Variants in ADCY10 observed in about 807,000 individuals in gnomAD.
The protein encoded by ADCY10 is adenylate cyclase type 10.
Under a neutral mutation model 183.3 loss-of-function variants are expected in ADCY10, and 156 were observed. That is an observed-to-expected ratio of 0.85 (90% CI 0.75 to 0.97). The LOEUF is 0.97. ADCY10 is among the 50% of genes least tolerant of loss of function. The pLI, the probability that ADCY10 is intolerant of heterozygous loss-of-function variation, is 0.00. For synonymous variants in ADCY10, 645 were observed against 670.0 expected (o/e 0.96, Z 0.58); for missense variants, 1,745 against 1,934.3 (o/e 0.90, Z 1.84).
intron 14 of ADCY10, among the ~76,000 whole-genome samples, chr1:167,861,819 G>A (rs553841175): frequency 6.6e-6 from 1 of 152,152 alleles, no homozygotes; most frequent in Non-Finnish European, 1.5e-5. Context: ...AGACCTGTTG[G>A]GAAGTGATTG....
intron 19 of ADCY10, among the ~76,000 whole-genome samples, chr1:167,846,930 C>CT (rs773821027): frequency 0.032 from 4,573 of 145,100 alleles, 81 homozygotes; most frequent in Middle Eastern, 0.049. Context: ...AGTCCATCCT[C>CT]TTTTTTTTTT....
chr1:167,888,717 A>C (rs910077198), intron 8 of ADCY10, among the ~76,000 whole-genome samples: 2 of 151,910 alleles, frequency 1.3e-5, no homozygotes, highest in African/African-American at 2.4e-5. Flanking sequence ...TCTATTAAAA[A>C]CACAAAAAAT....
chr1:167,904,691 G>GT, intron 2 of ADCY10: 1 of 601,538 alleles, frequency 1.7e-6, no homozygotes, highest in Non-Finnish European at 2.9e-6. Context: ...ACTGGGATGT[G>GT]TATGGGGCTT....
chr1:167,902,752 G>A (rs1466491093), intron 3 of ADCY10, among the ~76,000 whole-genome samples: 3 of 152,322 alleles, frequency 2.0e-5, no homozygotes, highest in South Asian at 4.1e-4. Flanking sequence ...AGAGTAAACC[G>A]TTGTCTTCAT....
rs758696391 is a variant in ADCY10 at position 167,837,307 on chromosome 1, G to C, written c.3019C>G (p.Leu1007Val). The change falls in exon 22 of 33, where the codon CTT becomes GTT. Residue 1007 changes from leucine to valine, a missense_variant. By Grantham distance (32) the Leu-to-Val change is conservative. Transcript: ENST00000367851. ...GGAATCTCTGAGTTGGACAAGATAAGCTTTTCTTCAGCTAGAAAATAAACA... is the reference window on the plus strand; with the variant it reads ...GGAATCTCTGAGTTGGACAAGATAACCTTTTCTTCAGCTAGAAAATAAACA... ...MSHGFKTEEK[L>V]ILSNSEIPET... 1 of 1,613,748 alleles carries C rather than the reference G, an allele frequency of 6.2e-7. No homozygotes were observed. Among genetic ancestry groups the C allele is most frequent in the African/African-American group, 1.3e-5 (1 of 74,924 alleles).
In ADCY10 at chr1:167,818,176, A is replaced by G. The variant is rs2101843895; in HGVS notation, c.4378T>C (p.Tyr1460His). 1 of 1,614,192 alleles carries G rather than the reference A, an allele frequency of 6.2e-7. No homozygotes were observed. The highest frequency in any genetic ancestry group is 8.5e-7 in the Non-Finnish European group (1 of 1,180,012). The change falls in exon 31 of 33, where the codon TAT becomes CAT. Residue 1460 changes from tyrosine (Y) to histidine (H), a missense_variant. Coordinates refer to ENST00000367851, the MANE Select transcript of ADCY10 (RefSeq NM_018417.6). ...TCCATGTACCTAGATATTCCGTCAT[A>G]GTAAGTAAGTGTCATGGTTCTTCTT... ...LPRRTMTLTY[Y>H]DGISRYMEGQ...
intron 14 of ADCY10, among the ~76,000 whole-genome samples, chr1:167,864,157 G>A (rs371545380): frequency 6.6e-5 from 10 of 152,196 alleles, no homozygotes; most frequent in African/African-American, 2.2e-4. Context: ...TTTTGGTTTA[G>A]TGTAAACTGC....
intron 14 of ADCY10, 135 bp downstream of exon 14, chr1:167,870,122 A>C (rs1264448827): frequency 1.5e-5 from 15 of 969,210 alleles, no homozygotes; most frequent in Non-Finnish European, 2.1e-5. Flanking sequence ...TTATCTATTT[A>C]GCACAAGGGT....
intron 13 of ADCY10, among the ~76,000 whole-genome samples, chr1:167,872,230 C>T (rs1053286289): frequency 7.2e-5 from 11 of 151,990 alleles, no homozygotes; most frequent in Non-Finnish European, 1.5e-4. Flanking sequence ...CCCAGCTACT[C>T]AGGAGGCTGA....
At chr1:167,883,927 T>C (rs1668043818) in intron 8 of ADCY10, among the ~76,000 whole-genome samples, 1 of 152,226 alleles carries the variant, frequency 6.6e-6, no homozygotes, top group Admixed American at 6.5e-5. Flanking sequence ...CTACTGTTCT[T>C]TTTGGCTCTC....
At chr1:167,886,253 A>C (rs1398431377) in intron 8 of ADCY10, among the ~76,000 whole-genome samples, 1 of 152,192 alleles carries the variant, frequency 6.6e-6, no homozygotes, top group Non-Finnish European at 1.5e-5. Flanking sequence ...AATCCTAAGC[A>C]AAAAGAACAA....
At chr1:167,899,774 G>A in intron 5 of ADCY10, 146 bp from the exon 6 acceptor site, 1 of 774,234 alleles carries the variant, frequency 1.3e-6, no homozygotes, top group Non-Finnish European at 2.2e-6. Flanking sequence ...AGGAATTATG[G>A]CATACCTCTT....
In ADCY10 at chr1:167,901,767, G is replaced by C. The variant is rs780657148; in HGVS notation, c.331C>G (p.Gln111Glu). 20 of 1,614,030 alleles carry C rather than the reference G, an allele frequency of 1.2e-5. No individual in the cohort carries two copies. In the Admixed American group the frequency reaches 3.3e-4, roughly 27 times the overall value. ...ACCACTGTGATAATGTTTTTCAGCTGCTTTCGCTCCACCCTCCACAGGGCT... is the reference window on the plus strand; with the variant it reads ...ACCACTGTGATAATGTTTTTCAGCTCCTTTCGCTCCACCCTCCACAGGGCT... The part of the protein sequence containing the change: ...LLALWRVERK[Q>E]LKNIITVVIK... The change falls in exon 5 of 33, where the codon CAG becomes GAG. Residue 111 changes from glutamine to glutamate, a missense_variant. Coordinates refer to ENST00000367851, the MANE Select transcript of ADCY10 (RefSeq NM_018417.6).
intron 31 of ADCY10, among the ~76,000 whole-genome samples, chr1:167,816,617 G>T (rs2101838736): frequency 6.6e-6 from 1 of 152,190 alleles, no homozygotes; most frequent in African/African-American, 2.4e-5. Flanking sequence ...AACAAAAAAA[G>T]AATTGCCTTT....
chr1:167,819,985 A>C, intron 30 of ADCY10: 1 of 1,498,068 alleles, frequency 6.7e-7, no homozygotes, highest in Admixed American at 1.7e-5. Flanking sequence ...TGCCACTAAC[A>C]AAGTGGATGA....
chr1:167,911,107 C>T (rs1670123016), intron 1 of ADCY10, among the ~76,000 whole-genome samples: 1 of 152,164 alleles, frequency 6.6e-6, no homozygotes, highest in African/African-American at 2.4e-5. Context: ...GGATCAATGA[C>T]TGGCAATCAC....
At chr1:167,905,860 A>G (rs1313598760) in intron 1 of ADCY10, among the ~76,000 whole-genome samples, 1 of 152,198 alleles carries the variant, frequency 6.6e-6, no homozygotes, top group East Asian at 1.9e-4. Context: ...AGGATTTCCT[A>G]AGGCCTTCCT....
intron 8 of ADCY10, 31 bp downstream of exon 8, chr1:167,893,822 C>A: frequency 1.3e-6 from 2 of 1,527,502 alleles, no homozygotes; most frequent in South Asian, 2.2e-5. Flanking sequence ...CCTGACATCC[C>A]CAAAGCCAGT....
chr1:167,824,218 G>A (rs1473463291), intron 28 of ADCY10, among the ~76,000 whole-genome samples: 1 of 152,130 alleles, frequency 6.6e-6, no homozygotes, highest in African/African-American at 2.4e-5. Flanking sequence ...AGCTACGTGG[G>A]AGGTTGAGGC....
Sources: gnomAD v4.1 joint callset for allele counts (sites outside exome capture counted in the v4.1 genomes callset) on GRCh38, gnomAD v4.1.1 for gene constraint, MANE v1.5 for transcripts, NCBI Gene and HGNC (gene_info 2026-07-23, HGNC 2026-07-21) for gene names.